Variants in FAM81A observed in about 807,000 individuals in gnomAD.
The protein encoded by FAM81A is family with sequence similarity 81 member A.
A neutral mutation model predicts 46.7 loss-of-function variants in FAM81A; 19 were observed. The ratio of observed to expected loss-of-function variants is 0.41; its 90% confidence interval spans 0.28 to 0.60. FAM81A has a LOEUF of 0.60. Ranked by LOEUF, FAM81A falls within the 20% of genes least tolerant of loss-of-function variation. The pLI is 0.34. For missense variants in FAM81A, 377 were observed against 453.5 expected (o/e 0.83, Z 1.53); for synonymous variants, 183 against 152.9 (o/e 1.20, Z -1.45).
intron 3 of FAM81A, among the ~76,000 whole-genome samples, chr15:59,490,562 C>T (rs113421487): frequency 0.084 from 12,750 of 152,070 alleles, 661 homozygotes; most frequent in African/African-American, 0.14. Flanking sequence ...CTGAGTGCAG[C>T]GGCTCACACC....
At chr15:59,517,045 GAGAC>G (rs2082275145) in intron 8 of FAM81A, among the ~76,000 whole-genome samples, 2 of 152,168 alleles carry the variant, frequency 1.3e-5, no homozygotes, top group African/African-American at 4.8e-5. Context: ...GCCACCGTGA[GAGAC>G]AGGCAAACAG....
At chr15:59,449,343 G>A (rs1436688573) in intron 1 of FAM81A, among the ~76,000 whole-genome samples, 3 of 152,140 alleles carry the variant, frequency 2.0e-5, no homozygotes. Flanking sequence ...GATATGTTTA[G>A]TCAAAGCCCC....
At chr15:59,445,725 C>T (rs2081347430) in intron 1 of FAM81A, among the ~76,000 whole-genome samples, 2 of 152,200 alleles carry the variant, frequency 1.3e-5, no homozygotes, top group Non-Finnish European at 1.5e-5. Flanking sequence ...TATGAGAGCA[C>T]ACAGAATCGT....
At chr15:59,477,940 A>T (rs1168899650) in intron 3 of FAM81A, among the ~76,000 whole-genome samples, 1 of 152,198 alleles carries the variant, frequency 6.6e-6, no homozygotes, top group African/African-American at 2.4e-5. Context: ...TCCACCAATG[A>T]TCATCATCAT....
At chr15:59,497,128 AAAGAAGAAGAAG>A (rs367828817) in intron 4 of FAM81A, among the ~76,000 whole-genome samples, 1 of 149,100 alleles carries the variant, frequency 6.7e-6, no homozygotes, top group African/African-American at 2.5e-5. Context: ...CAAATTTAAA[AAAGAAGAAGAAG>A]AAGAAGAAGA....
At chr15:59,510,258 C>T (rs2082191470) in intron 6 of FAM81A, among the ~76,000 whole-genome samples, 1 of 151,312 alleles carries the variant, frequency 6.6e-6, no homozygotes, top group Non-Finnish European at 1.5e-5. Context: ...CCCAGCTACT[C>T]GGGAGGGTGA....
upstream of FAM81A, among the ~76,000 whole-genome samples, chr15:59,435,647 C>T (rs773236865): frequency 6.6e-6 from 1 of 152,140 alleles, no homozygotes; most frequent in East Asian, 1.9e-4. Context: ...AATGAATTTC[C>T]ATGGTGTCTA....
At chr15:59,493,986 C>G (rs548233917) in intron 4 of FAM81A, among the ~76,000 whole-genome samples, 34 of 152,296 alleles carry the variant, frequency 2.2e-4, no homozygotes, top group African/African-American at 7.9e-4. Flanking sequence ...ATAGAGCTCT[C>G]CTAGCACTCA....
chr15:59,423,213 T>C (rs2081181971), intron 2 of FAM81A, among the ~76,000 whole-genome samples: 1 of 152,186 alleles, frequency 6.6e-6, no homozygotes, highest in Non-Finnish European at 1.5e-5. Context: ...TTCTCCTGCC[T>C]CAGCCTCCCT....
chr15:59,456,206 C>G (rs1444312875), intron 1 of FAM81A, among the ~76,000 whole-genome samples: 16 of 151,278 alleles, frequency 1.1e-4, no homozygotes, highest in African/African-American at 3.9e-4. Context: ...GTGGGAAGGG[C>G]ATTTCCCATA....
intron 2 of FAM81A, among the ~76,000 whole-genome samples, chr15:59,426,015 G>T (rs528018292): frequency 6.6e-6 from 1 of 152,288 alleles, no homozygotes; most frequent in East Asian, 1.9e-4. Context: ...GGAACAATTT[G>T]CTATGCAGTC....
At chr15:59,507,828 C>G (rs2082165630) in intron 5 of FAM81A, among the ~76,000 whole-genome samples, 1 of 152,226 alleles carries the variant, frequency 6.6e-6, no homozygotes, top group African/African-American at 2.4e-5. Context: ...CCTCAAACGT[C>G]ACAGATTAAT....
chr15:59,473,704 C>G (rs4774333), intron 3 of FAM81A, among the ~76,000 whole-genome samples: 2 of 151,974 alleles, frequency 1.3e-5, no homozygotes, highest in Non-Finnish European at 2.9e-5. Flanking sequence ...CAGTATAACT[C>G]TACCCTTAAG....
At chr15:59,510,368 CA>C (rs34095489) in intron 6 of FAM81A, among the ~76,000 whole-genome samples, 16,776 of 106,388 alleles carry the variant, frequency 0.16, 1,029 homozygotes, top group Admixed American at 0.29. Context: ...GACTCTGTCT[CA>C]AAAAAAAAAA....
At chr15:59,495,757 C>G (rs1462758630) in intron 4 of FAM81A, among the ~76,000 whole-genome samples, 1 of 152,192 alleles carries the variant, frequency 6.6e-6, no homozygotes, top group African/African-American at 2.4e-5. Flanking sequence ...TTGCATCCCC[C>G]TGAGGACTAA....
intron 4 of FAM81A, among the ~76,000 whole-genome samples, chr15:59,503,452 C>T (rs1272664085): frequency 5.3e-5 from 8 of 151,854 alleles, no homozygotes; most frequent in African/African-American, 1.9e-4. Context: ...ATATACTATT[C>T]TGCAACATAA....
chr15:59,411,186 A>C (rs1318589196), intron 2 of FAM81A, among the ~76,000 whole-genome samples: 2 of 152,202 alleles, frequency 1.3e-5, no homozygotes, highest in Non-Finnish European at 2.9e-5. Flanking sequence ...CATAACGCAC[A>C]GATCAAGGAG....
Position 59,401,120 on chromosome 15 carries a change from G to A in FAM81A, c.-160-1156G>A, listed in dbSNP as rs894787571. On this transcript the variant is annotated intron_variant, in intron 1 of 4. Coordinates refer to the FAM81A transcript ENST00000558348. ...CAATTTAATAAATCTCTTGATGATTGCAGACATGTATGGCTGTTTGGTAGT... is the reference window on the plus strand; with the variant it reads ...CAATTTAATAAATCTCTTGATGATTACAGACATGTATGGCTGTTTGGTAGT... 7.0e-5 allele frequency: 45 copies of A among 646,040 alleles called. No homozygotes were observed. In the South Asian group the frequency reaches 7.8e-4, roughly 11 times the overall value. The allele number at this position is 646,040 out of a possible 1,614,324, so 40.0% of individuals were successfully genotyped here.
intron 1 of FAM81A, among the ~76,000 whole-genome samples, chr15:59,398,280 A>T (rs2081055506): frequency 6.6e-6 from 1 of 152,192 alleles, no homozygotes; most frequent in Admixed American, 6.5e-5. Flanking sequence ...TTGGTAATGT[A>T]GGGTCTAAGT....
Sources: gnomAD v4.1 joint callset for allele counts (sites outside exome capture counted in the v4.1 genomes callset) on GRCh38, gnomAD v4.1.1 for gene constraint, MANE v1.5 for transcripts, NCBI Gene and HGNC (gene_info 2026-07-23, HGNC 2026-07-21) for gene names.